The following ERCC6 variants were observed in gnomAD, a reference collection of about 807,000 sequenced individuals.
The protein encoded by ERCC6 is DNA excision repair protein ERCC-6.
A neutral mutation model predicts 158.7 loss-of-function variants in ERCC6; 116 were observed. That is an observed-to-expected ratio of 0.73 (90% CI 0.63 to 0.85). The LOEUF (loss-of-function observed/expected upper bound fraction) is 0.85, where lower values mean the gene tolerates loss of function less well. Among genes scored for constraint, ERCC6 ranks in the 40% least tolerant of loss-of-function variants. The probability of loss-of-function intolerance (pLI) is 0.00; values close to 1 mark genes in which losing one functional copy is unlikely to be tolerated. For synonymous variants in ERCC6, 678 were observed against 659.3 expected (o/e 1.03, Z -0.43); for missense variants, 1,698 against 1,799.4 (o/e 0.94, Z 1.02).
chr10:49,438,799 G>A, the ERCC6 span, among the ~76,000 whole-genome samples: 35 of 152,286 alleles, frequency 2.3e-4, no homozygotes, highest in East Asian at 7.7e-4. Context: ...AAATACAGCC[G>A]TTCCAAATGG....
At chr10:49,479,502 CTT>C (rs1232165814) in intron 10 of ERCC6, among the ~76,000 whole-genome samples, 1 of 152,122 alleles carries the variant, frequency 6.6e-6, no homozygotes, top group African/African-American at 2.4e-5. Flanking sequence ...TAATCAATGA[CTT>C]TTAGTTATAT....
intron 12 of ERCC6, among the ~76,000 whole-genome samples, chr10:49,474,847 G>A (rs562744042): frequency 6.6e-6 from 1 of 152,186 alleles, no homozygotes; most frequent in Admixed American, 6.5e-5. Flanking sequence ...TGAGTGCCCC[G>A]GCCCATCCCC....
Position 49,507,670 on chromosome 10 carries a change from C to A in ERCC6, c.1398-1658G>T, listed in dbSNP as rs4253092. Among the ~76,000 whole-genome samples the A allele has an allele frequency of 2.2e-3, 330 of 152,232 alleles. 2 individuals carry two copies. In the East Asian group the frequency reaches 0.026, roughly 12 times the overall value. On this transcript the variant is annotated intron_variant, in intron 5 of 20. Transcript: ENST00000355832. ...CAGGGGGCAATTCTGTCCCTTCAAC[C>A]CCACCCTGGGGTAATCTGACAATGC... is the stretch of plus-strand genomic sequence containing the variant.
chr10:49,476,602 G>A (rs1850882323), intron 11 of ERCC6, among the ~76,000 whole-genome samples: 1 of 151,878 alleles, frequency 6.6e-6, no homozygotes, highest in Non-Finnish European at 1.5e-5. Flanking sequence ...CATCCTCCAC[G>A]TTAGCCTCCA....
chr10:49,453,707 G>A (rs1009485082), downstream of ERCC6, among the ~76,000 whole-genome samples: 6 of 151,982 alleles, frequency 3.9e-5, no homozygotes, highest in African/African-American at 1.2e-4. Flanking sequence ...TGTTTATCTG[G>A]GAAAGTATTT....
rs184303020 is a variant in ERCC6 at position 49,521,337 on chromosome 10, T to C, written c.1397+2696A>G. 4.6e-3 allele frequency among the ~76,000 whole-genome samples: 705 copies of C among 152,330 alleles called. 5 individuals are homozygous for C. The highest frequency in any genetic ancestry group is 0.015 in the African/African-American group (638 of 41,576). The stretch of plus-strand genomic sequence containing the variant: ...ACAGGGCTGTCTTGGCTGCACAGCC[T>C]GTACTAGGTAAGCAGCATGTAGGTG... On this transcript the variant is annotated intron_variant, in intron 5 of 20. Transcript: ENST00000355832.
At chr10:49,446,072 C>T in the ERCC6 span, among the ~76,000 whole-genome samples, 32 of 152,294 alleles carry the variant, frequency 2.1e-4, no homozygotes, top group Non-Finnish European at 4.3e-4. Flanking sequence ...TCCAAACTTA[C>T]ATTACCACAA....
chr10:49,459,731 C>A (rs937510513), intron 20 of ERCC6, among the ~76,000 whole-genome samples: 1 of 152,138 alleles, frequency 6.6e-6, no homozygotes, highest in East Asian at 1.9e-4. Flanking sequence ...TAAAAAAACA[C>A]AAATCTAACT....
intron 1 of ERCC6, among the ~76,000 whole-genome samples, chr10:49,533,194 G>A (rs41281959): frequency 5.3e-5 from 8 of 152,282 alleles, no homozygotes; most frequent in Non-Finnish European, 1.0e-4. Context: ...AAAAAGAAAT[G>A]CAGTATCATC....
intron 10 of ERCC6, among the ~76,000 whole-genome samples, chr10:49,481,475 A>G (rs1488339604): frequency 6.6e-6 from 1 of 152,214 alleles, no homozygotes; most frequent in Non-Finnish European, 1.5e-5. Flanking sequence ...TTAAAGGTCT[A>G]AAATTCTTTT....
intron 12 of ERCC6, chr10:49,475,421 C>A: frequency 2.2e-6 from 1 of 451,288 alleles, no homozygotes; most frequent in Non-Finnish European, 4.5e-6. Context: ...GATCTAGACC[C>A]CCTAACTTGG....
chr10:49,461,486 C>T lies in ERCC6; in HGVS notation c.3849G>A (p.Glu1283=), dbSNP rs760714732. Residue 1283 remains glutamate (E), a synonymous_variant, in exon 19 of 21, where the codon GAG becomes GAA. Transcript: ENST00000355832. ...DGASPDYVLV[E]AEANRVAQDA... is the part of the protein sequence containing the mutation. Reference sequence around the variant, plus strand: ...CCTGGGCCACTCGGTTGGCTTCTGCCTCCACCAGTACATAATCTGGGCTGG... The same window carrying T: ...CCTGGGCCACTCGGTTGGCTTCTGCTTCCACCAGTACATAATCTGGGCTGG... The T allele has an allele frequency of 1.9e-6, 3 of 1,614,150 alleles. No homozygotes were observed. The highest frequency in any genetic ancestry group is 2.2e-5 in the East Asian group (1 of 44,884).
Position 49,474,250 on chromosome 10 carries a change from A to G in ERCC6, c.2383-8T>C. On this transcript the variant is annotated splice_polypyrimidine_tract_variant and splice_region_variant and intron_variant, in intron 12 of 20. Coordinates refer to ENST00000355832, the MANE Select transcript of ERCC6 (RefSeq NM_000124.4). ...TATAAGTCCGGAGAAAATCTGTGGT[A>G]AGAAAGAGTACATGTACACTCAGAT... The G allele has an allele frequency of 6.2e-7, 1 of 1,609,204 alleles. No individual in the cohort carries two copies. The highest frequency in any genetic ancestry group is 2.2e-5 in the East Asian group (1 of 44,844).
intron 5 of ERCC6, chr10:49,516,048 G>A (rs1836949152): frequency 1.2e-6 from 2 of 1,614,086 alleles, no homozygotes; most frequent in African/African-American, 2.7e-5. Flanking sequence ...TGCAATACTG[G>A]TGAAAAAGTT....
chr10:49,473,587 T>C lies in ERCC6; in HGVS notation c.2599A>G (p.Met867Val). The C allele has an allele frequency of 1.9e-6, 3 of 1,578,046 alleles. No individual in the cohort carries two copies. Among genetic ancestry groups the C allele is most frequent in the Non-Finnish European group, 2.6e-6 (3 of 1,147,004 alleles). ...AGGAATACTTCAAGTATGTCCAGCA[T>C]CTGTTTGGAGGTGGGGGATAGGAGT... ...RVLLFSQSRQ[M>V]LDILEVFLRA... The change falls in exon 14 of 21, where the codon ATG becomes GTG. Residue 867 changes from methionine (M) to valine (V), a missense_variant and splice_region_variant. Transcript: ENST00000355832.
chr10:49,449,882 C>CT (rs920918243), downstream of ERCC6, among the ~76,000 whole-genome samples: 21 of 148,858 alleles, frequency 1.4e-4, 1 homozygote, highest in Non-Finnish European at 1.9e-4. Context: ...TTTCTTTTTT[C>CT]TTTTTTTTGA....
chr10:49,438,131 G>A, the ERCC6 span, among the ~76,000 whole-genome samples: 2 of 152,202 alleles, frequency 1.3e-5, no homozygotes, highest in Middle Eastern at 3.2e-3. Flanking sequence ...TGCAGATCCA[G>A]TGTGGACCCC....
intron 18 of ERCC6, among the ~76,000 whole-genome samples, chr10:49,465,107 G>A (rs1041154494): frequency 8.5e-5 from 13 of 152,228 alleles, no homozygotes; most frequent in African/African-American, 2.9e-4. Flanking sequence ...CCAGGAGGGG[G>A]GCTATACCCT....
chr10:49,491,133 A>G (rs1296433553), intron 8 of ERCC6, among the ~76,000 whole-genome samples: 1 of 152,240 alleles, frequency 6.6e-6, no homozygotes, highest in Non-Finnish European at 1.5e-5. Context: ...TGATCTTAGA[A>G]ATGTCAATAG....
Sources: allele counts gnomAD v4.1 joint callset (sites outside exome capture counted in the v4.1 genomes callset), GRCh38; gene constraint gnomAD v4.1.1; transcripts MANE v1.5; gene names NCBI Gene and HGNC (gene_info 2026-07-23, HGNC 2026-07-21).